The following GRID2 variants were observed in gnomAD, a reference collection of about 807,000 sequenced individuals.
GRID2 encodes glutamate receptor ionotropic, delta-2.
In GRID2, 33 loss-of-function variants were observed where a neutral mutation model predicts 114.8. The observed-to-expected ratio is 0.29, with a 90% CI of 0.22 to 0.38. The LOEUF is 0.38. GRID2 is among the 10% of genes least tolerant of loss of function. The pLI is 1.00. For synonymous variants in GRID2, 505 were observed against 449.9 expected (o/e 1.12, Z -1.55); for missense variants, 1,184 against 1,257.7 (o/e 0.94, Z 0.89).
intron 1 of GRID2, among the ~76,000 whole-genome samples, chr4:92,500,275 A>C (rs1172325179): frequency 1.3e-5 from 2 of 151,600 alleles, no homozygotes; most frequent in Non-Finnish European, 2.9e-5. Flanking sequence ...CATAATTTCT[A>C]TTTTTGTGCT....
chr4:93,395,671 A>G lies in GRID2; in HGVS notation c.1310A>G (p.Asn437Ser), dbSNP rs144193170. The change falls in exon 9 of 16, where the codon AAC (asparagine) becomes AGC (serine). Residue 437 changes from asparagine to serine, a missense_variant. Asn to Ser is a conservative substitution (Grantham distance 46, BLOSUM62 1). This residue lies in a region of GRID2 where 717 missense variants were observed against 796.9 expected (regional missense o/e 0.90). Coordinates refer to ENST00000282020, the MANE Select transcript of GRID2 (RefSeq NM_001510.4). ...CTGACTGACAAGAAATTGGAGAATA[A>G]CATGCGTGGAGTGGTTCTACGTGTA... The part of the protein sequence containing the change: ...GSLTDKKLEN[N>S]MRGVVLRVVT... The G allele has an allele frequency of 3.8e-6, 6 of 1,577,798 alleles. No individual in the cohort carries two copies. The highest frequency in any genetic ancestry group is 5.2e-6 in the Non-Finnish European group (6 of 1,147,512).
chr4:92,418,220 G>A (rs1731716063), intron 1 of GRID2, among the ~76,000 whole-genome samples: 1 of 152,068 alleles, frequency 6.6e-6, no homozygotes, highest in Admixed American at 6.6e-5. Context: ...TGAGAGCAAT[G>A]AGCATGTCCC....
intron 3 of GRID2, among the ~76,000 whole-genome samples, chr4:93,099,041 G>A (rs1255955998): frequency 6.9e-6 from 1 of 144,584 alleles, no homozygotes; most frequent in African/African-American, 2.6e-5. Context: ...GATACACATA[G>A]GGATTTTTAT....
Position 93,307,398 on chromosome 4 carries a change from T to C in GRID2, c.1245+68908T>C, listed in dbSNP as rs552845373. 2.2e-5 allele frequency among the ~76,000 whole-genome samples: 3 copies of C among 136,038 alleles called. No individual in the cohort carries two copies. The South Asian group carries it at 6.3e-4, about 29-fold the overall frequency. The allele number at this position is 136,038 out of a possible 152,430, so 89.2% of individuals were successfully genotyped here. On this transcript the variant is annotated intron_variant, in intron 8 of 15. Coordinates refer to ENST00000282020, the MANE Select transcript of GRID2 (RefSeq NM_001510.4). ...TTTAGCTTCTAAATTTTCTCGTCATTTTTTTTTTCCTTTCTTACCAGTTTG... is the reference window on the plus strand; with the variant it reads ...TTTAGCTTCTAAATTTTCTCGTCATCTTTTTTTTCCTTTCTTACCAGTTTG...
chr4:93,032,422 T>G (rs1041747844), intron 2 of GRID2, among the ~76,000 whole-genome samples: 3 of 152,122 alleles, frequency 2.0e-5, no homozygotes, highest in Non-Finnish European at 4.4e-5. Flanking sequence ...AACAGCAGAT[T>G]TTTTTTAAAG....
At chr4:93,683,806 C>T (rs1472644940) in intron 14 of GRID2, among the ~76,000 whole-genome samples, 1 of 152,028 alleles carries the variant, frequency 6.6e-6, no homozygotes, top group Non-Finnish European at 1.5e-5. Context: ...CAGGAGGTTA[C>T]AACACATAGG....
At chr4:92,713,506 T>C (rs1393114843) in intron 2 of GRID2, among the ~76,000 whole-genome samples, 2 of 135,994 alleles carry the variant, frequency 1.5e-5, no homozygotes, top group African/African-American at 5.6e-5. Flanking sequence ...TATATATATA[T>C]ATATATATAT....
intron 10 of GRID2, among the ~76,000 whole-genome samples, chr4:93,424,266 C>G (rs1768623811): frequency 6.6e-6 from 1 of 151,136 alleles, no homozygotes; most frequent in Non-Finnish European, 1.5e-5. Flanking sequence ...TCTACCGTGT[C>G]TGGGGCTCTT....
At chr4:92,449,543 T>C (rs1330977663) in intron 1 of GRID2, among the ~76,000 whole-genome samples, 1 of 151,312 alleles carries the variant, frequency 6.6e-6, no homozygotes, top group Non-Finnish European at 1.5e-5. Context: ...TATTTTGTGA[T>C]CATTTGTATA....
intron 4 of GRID2, among the ~76,000 whole-genome samples, chr4:93,117,103 TA>T (rs1428027858): frequency 6.6e-6 from 1 of 152,184 alleles, no homozygotes; most frequent in Non-Finnish European, 1.5e-5. Flanking sequence ...ATTTCTAAGT[TA>T]AAAAATTATT....
intron 1 of GRID2, among the ~76,000 whole-genome samples, chr4:92,454,053 A>C (rs935377867): frequency 6.6e-6 from 1 of 152,248 alleles, no homozygotes; most frequent in Admixed American, 6.5e-5. Flanking sequence ...TTAAATAAAC[A>C]GTACTATGTC....
intron 1 of GRID2, among the ~76,000 whole-genome samples, chr4:92,523,450 G>A (rs1057121133): frequency 6.6e-6 from 1 of 151,940 alleles, no homozygotes; most frequent in East Asian, 2.0e-4. Context: ...GATCAGATGT[G>A]AGCATGTTTG....
At chr4:92,369,560 G>T (rs1345354241) in intron 1 of GRID2, among the ~76,000 whole-genome samples, 2 of 152,094 alleles carry the variant, frequency 1.3e-5, no homozygotes, top group African/African-American at 2.4e-5. Flanking sequence ...TTCAGCTACA[G>T]GCCATGTTCA....
In GRID2 at chr4:92,304,565, A is replaced by G; in HGVS notation, c.-92A>G. ...TTAGAAAAAAAGAAAAAGCTGCGCT[A>G]AACTCCACCGTGACCTCAAACTCTT... On this transcript the variant is annotated 5_prime_UTR_variant, in exon 1 of 16. Coordinates refer to ENST00000282020, the MANE Select transcript of GRID2 (RefSeq NM_001510.4). The G allele has an allele frequency of 3.6e-6, 3 of 822,568 alleles. No individual in the cohort carries two copies. The highest frequency in any genetic ancestry group is 1.5e-5 in the South Asian group (1 of 68,694). The allele number at this position is 822,568 out of a possible 1,614,324, so 51.0% of individuals were successfully genotyped here.
chr4:93,009,955 G>T (rs1458543425), intron 2 of GRID2, among the ~76,000 whole-genome samples: 1 of 151,726 alleles, frequency 6.6e-6, no homozygotes, highest in African/African-American at 2.4e-5. Flanking sequence ...CATTATTTTG[G>T]CCTCTTTCTG....
Position 93,773,851 on chromosome 4 carries a change from G to C in GRID2, c.*1353G>C, listed in dbSNP as rs576345965. On this transcript the variant is annotated 3_prime_UTR_variant, in exon 16 of 16. Coordinates refer to ENST00000282020, the MANE Select transcript of GRID2 (RefSeq NM_001510.4). ...GAGGAGTTATGTATTTTTTACATTA[G>C]TGCCAAGTATATAGAAGGATGACAG... 2.6e-5 allele frequency: 4 copies of C among 152,096 alleles called. No individual in the cohort carries two copies. The highest frequency in any genetic ancestry group is 3.9e-4 in the East Asian group (2 of 5,174). The allele number at this position is 152,096 out of a possible 1,614,324, so 9.4% of individuals were successfully genotyped here. A position where few individuals can be genotyped will look rare whatever the true frequency, so the allele number is the denominator to read the frequency against.
chr4:92,455,401 A>T (rs1168557802), intron 1 of GRID2, among the ~76,000 whole-genome samples: 1 of 152,178 alleles, frequency 6.6e-6, no homozygotes, highest in Non-Finnish European at 1.5e-5. Flanking sequence ...CCACCAGAGT[A>T]TCAATTATGT....
At chr4:93,586,293 C>G (rs1737535578) in intron 13 of GRID2, among the ~76,000 whole-genome samples, 1 of 152,074 alleles carries the variant, frequency 6.6e-6, no homozygotes. Flanking sequence ...GCCACCAAAT[C>G]TGGAGATACC....
At chr4:92,474,255 G>T (rs1722186872) in intron 1 of GRID2, among the ~76,000 whole-genome samples, 3 of 151,920 alleles carry the variant, frequency 2.0e-5, no homozygotes, top group Admixed American at 6.6e-5. Context: ...GCGTATAAGT[G>T]ATGTCATGCA....
Sources: gnomAD v4.1 joint callset for allele counts (sites outside exome capture counted in the v4.1 genomes callset) on GRCh38, gnomAD v4.1.1 for gene constraint, gnomAD v4.1.1 regional missense constraint, MANE v1.5 for transcripts, NCBI Gene and HGNC (gene_info 2026-07-23, HGNC 2026-07-21) for gene names.